Variants in SHISA9 observed in about 807,000 individuals in gnomAD.
The protein encoded by SHISA9 is protein shisa-9.
A neutral mutation model predicts 38.0 loss-of-function variants in SHISA9; 13 were observed. The observed-to-expected ratio is 0.34, with a 90% CI of 0.22 to 0.54. SHISA9 has a LOEUF of 0.54. Ranked by LOEUF, SHISA9 falls within the 20% of genes least tolerant of loss-of-function variation. The pLI is 0.91. For synonymous variants in SHISA9, 275 were observed against 242.0 expected, an observed-to-expected ratio of 1.14 and a Z score of -1.27; for missense variants, 538 against 575.8, an observed-to-expected ratio of 0.93 and a Z score of 0.67.
At chr16:13,198,054 A>G (rs1346079348) in intron 2 of SHISA9, among the ~76,000 whole-genome samples, 1 of 152,020 alleles carries the variant, frequency 6.6e-6, no homozygotes, top group Non-Finnish European at 1.5e-5. Flanking sequence ...GCTTGGTGGC[A>G]CATGCCTGTA....
the SHISA9 span, among the ~76,000 whole-genome samples, chr16:13,270,377 A>T: frequency 2.0e-5 from 3 of 152,174 alleles, no homozygotes; most frequent in Non-Finnish European, 2.9e-5. Flanking sequence ...TTGAAAGGAG[A>T]TCTTTTGTAC....
At chr16:13,101,534 A>G (rs1355203516) in intron 2 of SHISA9, among the ~76,000 whole-genome samples, 1 of 152,272 alleles carries the variant, frequency 6.6e-6, no homozygotes, top group African/African-American at 2.4e-5. Flanking sequence ...AATCTGGCCA[A>G]CAATCATGTT....
chr16:13,356,850 T>C, the SHISA9 span, among the ~76,000 whole-genome samples: 86,415 of 151,938 alleles, frequency 0.57, 25,511 homozygotes, highest in Non-Finnish European at 0.65. Flanking sequence ...ATTTAGATTT[T>C]GCAGGATGGA....
the SHISA9 span, among the ~76,000 whole-genome samples, chr16:13,472,188 A>C: frequency 6.6e-6 from 1 of 152,044 alleles, no homozygotes; most frequent in Admixed American, 6.6e-5. Flanking sequence ...AAGCAATGTC[A>C]CCCACCCTTG....
chr16:13,183,054 C>T (rs1395067515), intron 2 of SHISA9, among the ~76,000 whole-genome samples: 1 of 152,216 alleles, frequency 6.6e-6, no homozygotes, highest in Non-Finnish European at 1.5e-5. Flanking sequence ...GGCTTCCCTA[C>T]AGCATGGCCA....
At chr16:13,504,152 A>T in the SHISA9 span, among the ~76,000 whole-genome samples, 3 of 152,180 alleles carry the variant, frequency 2.0e-5, no homozygotes, top group Non-Finnish European at 4.4e-5. Flanking sequence ...CTGATTTGTA[A>T]ATCAAAGACC....
intron 2 of SHISA9, among the ~76,000 whole-genome samples, chr16:13,137,999 A>G (rs1202891230): frequency 1.3e-5 from 2 of 152,160 alleles, no homozygotes; most frequent in African/African-American, 2.4e-5. Context: ...CACACAGATA[A>G]TTTGGTAAAA....
At chr16:13,077,944 A>T (rs542972698) in intron 2 of SHISA9, among the ~76,000 whole-genome samples, 56 of 152,302 alleles carry the variant, frequency 3.7e-4, no homozygotes, top group African/African-American at 1.3e-3. Flanking sequence ...GATGAAAAAA[A>T]TATGGCAAAC....
intron 2 of SHISA9, among the ~76,000 whole-genome samples, chr16:13,106,727 C>T (rs1052308722): frequency 6.6e-6 from 1 of 152,000 alleles, no homozygotes; most frequent in South Asian, 2.1e-4. Flanking sequence ...TTCTCTGGGA[C>T]TTTGGCTAGA....
intron 4 of SHISA9, among the ~76,000 whole-genome samples, chr16:13,217,196 C>T (rs973220394): frequency 1.9e-4 from 29 of 151,940 alleles, no homozygotes; most frequent in African/African-American, 4.8e-4. Flanking sequence ...GAGAATGGCG[C>T]GAACCCGGGA....
the SHISA9 span, chr16:13,350,748 A>G: frequency 6.6e-6 from 1 of 152,174 alleles, no homozygotes; most frequent in African/African-American, 2.4e-5. Context: ...GTATTTTTGC[A>G]AAGAAAGAGT....
chr16:13,169,046 C>A (rs1359362570), intron 2 of SHISA9, among the ~76,000 whole-genome samples: 1 of 152,150 alleles, frequency 6.6e-6, no homozygotes, highest in African/African-American at 2.4e-5. Flanking sequence ...GCAGCTTTTG[C>A]TTTTGGATTT....
intron 2 of SHISA9, among the ~76,000 whole-genome samples, chr16:13,078,919 G>A (rs1387021404): frequency 2.6e-5 from 4 of 152,198 alleles, no homozygotes; most frequent in African/African-American, 9.7e-5. Flanking sequence ...GAGCGTAAAA[G>A]GGGAGGGCAT....
the SHISA9 span, among the ~76,000 whole-genome samples, chr16:13,489,830 G>T: frequency 2.0e-5 from 3 of 152,170 alleles, no homozygotes; most frequent in Non-Finnish European, 4.4e-5. Context: ...GGAAACTGAG[G>T]CACAGAGTGG....
the SHISA9 span, among the ~76,000 whole-genome samples, chr16:13,363,665 A>G: frequency 1.3e-5 from 2 of 152,196 alleles, no homozygotes; most frequent in African/African-American, 2.4e-5. Context: ...CATGAAAGGT[A>G]GAGCTCCAGA....
intron 2 of SHISA9, among the ~76,000 whole-genome samples, chr16:13,026,041 A>G (rs1303284878): frequency 1.3e-5 from 2 of 152,072 alleles, no homozygotes; most frequent in African/African-American, 2.4e-5. Flanking sequence ...CCGACCTCAG[A>G]TGATCCACCA....
the SHISA9 span, among the ~76,000 whole-genome samples, chr16:13,526,656 G>C: frequency 6.6e-6 from 1 of 152,134 alleles, no homozygotes; most frequent in East Asian, 1.9e-4. Context: ...AAAGTGCTGG[G>C]ATTACAGGCA....
intron 3 of SHISA9, among the ~76,000 whole-genome samples, chr16:13,211,301 G>C (rs1256276118): frequency 1.3e-5 from 2 of 148,968 alleles, no homozygotes; most frequent in East Asian, 3.9e-4. Context: ...GCAAGACTCT[G>C]TCTCAAGAAA....
At chr16:13,056,404 A>T (rs2073311508) in intron 2 of SHISA9, among the ~76,000 whole-genome samples, 3 of 152,178 alleles carry the variant, frequency 2.0e-5, no homozygotes, top group African/African-American at 7.2e-5. Context: ...TGCTCCTCAA[A>T]TCCACTTCCC....
Sources: gnomAD v4.1 joint callset for allele counts (sites outside exome capture counted in the v4.1 genomes callset) on GRCh38, gnomAD v4.1.1 for gene constraint, MANE v1.5 for transcripts, NCBI Gene and HGNC (gene_info 2026-07-23, HGNC 2026-07-21) for gene names.